The following KCNQ1 variants were observed in gnomAD, a reference collection of about 807,000 sequenced individuals.
KCNQ1 encodes the protein potassium voltage-gated channel subfamily KQT member 1.
KCNQ1 carries 49 observed loss-of-function variants against 72.4 expected under a neutral mutation model. The observed-to-expected ratio is 0.68, with a 90% CI of 0.54 to 0.86. The LOEUF (loss-of-function observed/expected upper bound fraction) is 0.86. Among genes scored for constraint, KCNQ1 ranks in the 40% least tolerant of loss-of-function variants. The pLI is 0.00. For synonymous variants in KCNQ1, 450 were observed against 412.6 expected (o/e 1.09, Z -1.10); for missense variants, 790 against 945.1 (o/e 0.84, Z 2.15).
intron 11 of KCNQ1, among the ~76,000 whole-genome samples, chr11:2,754,259 G>GT (rs1442917240): frequency 1.3e-5 from 2 of 152,234 alleles, no homozygotes; most frequent in Non-Finnish European, 2.9e-5. Context: ...TTGCATGTCT[G>GT]TGTGTTCCCA....
rs1850586475 is a variant in KCNQ1, at chr11:2,691,455, T to C, written c.1514+29374T>C. On this transcript the variant is annotated intron_variant, in intron 11 of 15. Coordinates refer to ENST00000155840, the MANE Select transcript of KCNQ1 (RefSeq NM_000218.3). The surrounding 1 kb of genome is among the most constrained non-coding windows in gnomAD (Gnocchi z 6.4). Reference sequence around the variant, plus strand: ...CTCCCTGCCCCCACTGAGTCTCTGATGTTGACAGCCTCTTTGTTTTTTCAT... The same window carrying C: ...CTCCCTGCCCCCACTGAGTCTCTGACGTTGACAGCCTCTTTGTTTTTTCAT... 1 of 398,586 alleles carries C rather than the reference T, an allele frequency of 2.5e-6. No homozygotes were observed. The highest frequency in any genetic ancestry group is 4.4e-6 in the Non-Finnish European group (1 of 226,060). The allele number at this position is 398,586 out of a possible 1,614,324, so 24.7% of individuals were successfully genotyped here.
rs184335249 is a variant in KCNQ1 at position 2,715,979 on chromosome 11, G to A, written c.1515-52865G>A. On this transcript the variant is annotated intron_variant, in intron 11 of 15. Transcript: ENST00000155840. This position sits in a 1 kb window ranked among gnomAD's most constrained non-coding sequence, Gnocchi z 4.9. ...ACGTCACCTCCAAACCCTTTGGGCT[G>A]GCCTCTTGGTGAGGAATGGCCCTGG... Among the ~76,000 whole-genome samples, 365 of 152,298 alleles carry A rather than the reference G, an allele frequency of 2.4e-3. 2 individuals are homozygous for A. The highest frequency in any genetic ancestry group is 0.02 in the Middle Eastern group (6 of 294).
intron 1 of KCNQ1, among the ~76,000 whole-genome samples, chr11:2,474,126 T>A (rs1268382708): frequency 6.6e-6 from 1 of 152,090 alleles, no homozygotes; most frequent in Non-Finnish European, 1.5e-5. Flanking sequence ...CAGGCTTTCC[T>A]CACTGAGGGC....
In KCNQ1 at chr11:2,654,386, AG is replaced by A. The variant is rs1255026078; in HGVS notation, c.1394-7572del. The stretch of plus-strand genomic sequence containing the variant: ...TCATCCTTGTGAAGTAGGCTGGCTC[AG>A]GGAACTCGCCTGTGCCAAACCCTGG... On this transcript the variant is annotated intron_variant, in intron 10 of 15. Coordinates refer to ENST00000155840, the MANE Select transcript of KCNQ1 (RefSeq NM_000218.3). The surrounding 1 kb of genome is among the most constrained non-coding windows in gnomAD (Gnocchi z 6.4). 2.5e-5 allele frequency: 10 copies of A among 398,628 alleles called. No homozygotes were observed. In the East Asian group the frequency reaches 2.9e-4, roughly 11 times the overall value. 24.7% of individuals were successfully genotyped at this position (398,628 alleles called of 1,614,324 possible).
intron 15 of KCNQ1, among the ~76,000 whole-genome samples, chr11:2,835,337 C>A (rs927995657): frequency 2.6e-5 from 4 of 152,116 alleles, no homozygotes; most frequent in African/African-American, 9.7e-5. Flanking sequence ...CTCCCATATT[C>A]CTCACACCCA....
chr11:2,540,544 C>G (rs988890930), intron 2 of KCNQ1, among the ~76,000 whole-genome samples: 1 of 152,250 alleles, frequency 6.6e-6, no homozygotes, highest in African/African-American at 2.4e-5. Flanking sequence ...GGGCGGCCAG[C>G]AGCCTCCTCA....
rs1286693966 is a variant in KCNQ1 at position 2,816,779 on chromosome 11, C to T, written c.1795-30988C>T. 3.3e-5 allele frequency among the ~76,000 whole-genome samples: 5 copies of T among 152,086 alleles called. No homozygotes were observed. The highest frequency in any genetic ancestry group is 1.9e-4 in the East Asian group (1 of 5,180). Reference sequence around the variant, plus strand: ...CCTCCCAGCTCATGCTTTCCAAAGTCCCCTGCTCAGGAGGCCTTCCCTGAG... The same window carrying T: ...CCTCCCAGCTCATGCTTTCCAAAGTTCCCTGCTCAGGAGGCCTTCCCTGAG... On this transcript the variant is annotated intron_variant, in intron 15 of 15. Transcript: ENST00000155840. The surrounding 1 kb of genome is among the most constrained non-coding windows in gnomAD (Gnocchi z 6.8).
At chr11:2,755,631 G>T (rs1846287516) in intron 11 of KCNQ1, among the ~76,000 whole-genome samples, 1 of 152,178 alleles carries the variant, frequency 6.6e-6, no homozygotes, top group African/African-American at 2.4e-5. Flanking sequence ...CCCCATCTCA[G>T]TGTTCATGAC....
At position 2,646,459 on chromosome 11, in the gene KCNQ1, A is replaced by G. The variant is rs1590002677; in HGVS notation, c.1394-15502A>G. 5 of 398,542 alleles carry G rather than the reference A, an allele frequency of 1.3e-5. No homozygotes were observed. In the East Asian group the frequency reaches 1.8e-4, roughly 14 times the overall value. 24.7% of individuals were successfully genotyped at this position (398,542 alleles called of 1,614,324 possible). On this transcript the variant is annotated intron_variant, in intron 10 of 15. Transcript: ENST00000155840. Reference sequence around the variant, plus strand: ...TTGCTTTTTTTTGTAGCTATTGCAAATGGGATTGCTTTCTTCATTTCTCTT... The same window carrying G: ...TTGCTTTTTTTTGTAGCTATTGCAAGTGGGATTGCTTTCTTCATTTCTCTT...
chr11:2,445,361 A>G lies in KCNQ1; in HGVS notation c.263A>G (p.Asp88Gly). The G allele has an allele frequency of 6.3e-7, 1 of 1,596,912 alleles. No individual in the cohort carries two copies. The highest frequency in any genetic ancestry group is 1.1e-5 in the South Asian group (1 of 90,956). The change falls in exon 1 of 16, where the codon GAC becomes GGC. Residue 88 changes from aspartate (D) to glycine (G), a missense_variant. This residue lies in a region of KCNQ1 where 294 missense variants were observed against 323.3 expected (regional missense o/e 0.91). Transcript: ENST00000155840. ...GGCCCGCGGCCGCCGGTGAGCCTAGACCCGCGCGTCTCCATCTACAGCACG... is the reference window on the plus strand; with the variant it reads ...GGCCCGCGGCCGCCGGTGAGCCTAGGCCCGCGCGTCTCCATCTACAGCACG... ...DLGPRPPVSL[D>G]PRVSIYSTRR... is the part of the protein sequence containing the mutation.
intron 15 of KCNQ1, among the ~76,000 whole-genome samples, chr11:2,846,831 C>A (rs779013034): frequency 1.3e-5 from 2 of 152,272 alleles, no homozygotes; most frequent in African/African-American, 4.8e-5. Context: ...CACTGCGAGG[C>A]CTCTGATCAC....
chr11:2,819,655 G>A (rs747651836), intron 15 of KCNQ1, among the ~76,000 whole-genome samples: 1 of 152,174 alleles, frequency 6.6e-6, no homozygotes, highest in Non-Finnish European at 1.5e-5. Context: ...TGTCAGATAA[G>A]TTGAGCAACC....
intron 15 of KCNQ1, among the ~76,000 whole-genome samples, chr11:2,796,214 C>A (rs1273351512): frequency 6.6e-6 from 1 of 152,140 alleles, no homozygotes; most frequent in Non-Finnish European, 1.5e-5. Context: ...GAAATCATTC[C>A]ATGTCCCACC....
chr11:2,844,153 A>G (rs992219910), intron 15 of KCNQ1, among the ~76,000 whole-genome samples: 4 of 152,186 alleles, frequency 2.6e-5, no homozygotes, highest in African/African-American at 9.7e-5. Context: ...CCCTGCCCGC[A>G]GAGTGGTGGG....
chr11:2,632,354 G>A (rs538732408), intron 10 of KCNQ1: 17 of 398,180 alleles, frequency 4.3e-5, no homozygotes, highest in Non-Finnish European at 7.5e-5. Flanking sequence ...TCTAAATGAT[G>A]CCTTTATTTC....
intron 11 of KCNQ1, chr11:2,689,725 C>T (rs1850557959): frequency 5.0e-6 from 2 of 398,688 alleles, no homozygotes; most frequent in East Asian, 7.1e-5. Context: ...GCCTAGAGTG[C>T]CAGAGACTTA....
At chr11:2,662,865 A>G (rs1480523543) in intron 11 of KCNQ1, 3 of 398,432 alleles carry the variant, frequency 7.5e-6, no homozygotes, top group Admixed American at 4.4e-5. Flanking sequence ...CTCTACCAAC[A>G]TTTTTCTAAA....
intron 10 of KCNQ1, chr11:2,616,490 T>C: frequency 2.5e-6 from 1 of 397,938 alleles, no homozygotes; most frequent in Non-Finnish European, 4.4e-6. Context: ...TATTAGGTTA[T>C]GGATCCTTCT....
At chr11:2,504,683 G>A (rs539544729) in intron 1 of KCNQ1, among the ~76,000 whole-genome samples, 12 of 152,328 alleles carry the variant, frequency 7.9e-5, no homozygotes, top group African/African-American at 2.6e-4. Context: ...CTCGAACTCA[G>A]GAGGCGGAGG....
Sources: gnomAD v4.1 joint callset for allele counts (sites outside exome capture counted in the v4.1 genomes callset) on GRCh38, gnomAD v4.1.1 for gene constraint, gnomAD v4.1.1 regional missense constraint, Gnocchi (gnomAD v3.1) non-coding constraint, MANE v1.5 for transcripts, NCBI Gene and HGNC (gene_info 2026-07-23, HGNC 2026-07-21) for gene names.